TUSC3: variants seen among roughly 807,000 people sequenced by gnomAD.
TUSC3 encodes the protein tumor suppressor candidate 3, also known as dolichyl-diphosphooligosaccharide--protein glycosyltransferase subunit TUSC3.
A neutral mutation model predicts 44.8 loss-of-function variants in TUSC3; 45 were observed. The ratio of observed to expected loss-of-function variants is 1.00; its 90% CI spans 0.79 to 1.29. The LOEUF is 1.29. Ranked by LOEUF, TUSC3 falls within the 50% of genes most tolerant of loss-of-function variation. The probability of loss-of-function intolerance (pLI) is 0.00; values close to 1 mark genes in which losing one functional copy is unlikely to be tolerated. For synonymous variants in TUSC3, 212 were observed against 152.9 expected (o/e 1.39, Z -2.85); for missense variants, 519 against 437.9 (o/e 1.19, Z -1.65).
chr8:15,842,697 G>C, the TUSC3 span, among the ~76,000 whole-genome samples: 28 of 152,154 alleles, frequency 1.8e-4, no homozygotes, highest in Non-Finnish European at 3.7e-4. Flanking sequence ...AAGAAAAACA[G>C]AAAAATTTTT....
intron 1 of TUSC3, among the ~76,000 whole-genome samples, chr8:15,465,261 A>T (rs1390051): frequency 6.6e-6 from 1 of 151,934 alleles, no homozygotes; most frequent in African/African-American, 2.4e-5. Context: ...CATGGGACAC[A>T]ATAAGACTAC....
intron 6 of TUSC3, among the ~76,000 whole-genome samples, chr8:15,708,297 T>A (rs988478165): frequency 9.2e-5 from 14 of 151,814 alleles, no homozygotes; most frequent in African/African-American, 3.4e-4. Context: ...GAAAGTTGAT[T>A]GGGAATAGAT....
the TUSC3 span, among the ~76,000 whole-genome samples, chr8:15,833,738 A>G: frequency 6.6e-6 from 1 of 152,118 alleles, no homozygotes; most frequent in Non-Finnish European, 1.5e-5. Context: ...ACTAATGGGT[A>G]CTAGGCTTAA....
At chr8:15,670,829 C>G (rs1182533910) in intron 5 of TUSC3, among the ~76,000 whole-genome samples, 1 of 151,822 alleles carries the variant, frequency 6.6e-6, no homozygotes, top group Non-Finnish European at 1.5e-5. Flanking sequence ...TATAAAGAAT[C>G]TTGACAAAAC....
chr8:15,541,908 G>T (rs1379345992), intron 1 of TUSC3, among the ~76,000 whole-genome samples: 3 of 150,980 alleles, frequency 2.0e-5, no homozygotes, highest in Non-Finnish European at 3.0e-5. Context: ...TGGAAATTGT[G>T]ATGTTTTATC....
In TUSC3 at chr8:15,686,186, G is replaced by A. The variant is rs146972656; in HGVS notation, c.798+12350G>A. ...CTAAAGGGAAACTATACAAACATATGGTTACATAGGACATAAAAACAATTT... is the reference window on the plus strand; with the variant it reads ...CTAAAGGGAAACTATACAAACATATAGTTACATAGGACATAAAAACAATTT... On this transcript the variant is annotated intron_variant, in intron 6 of 10. Coordinates refer to ENST00000503731, the MANE Select transcript of TUSC3 (RefSeq NM_006765.4). Among the ~76,000 whole-genome samples the A allele has an allele frequency of 3.4e-3, 513 of 151,988 alleles. 4 individuals are homozygous for A. Among genetic ancestry groups the A allele is most frequent in the African/African-American group, 0.012 (499 of 41,446 alleles).
chr8:15,654,470 A>T (rs1029394911), intron 3 of TUSC3, among the ~76,000 whole-genome samples: 1 of 152,172 alleles, frequency 6.6e-6, no homozygotes, highest in Non-Finnish European at 1.5e-5. Context: ...TATATTTTTT[A>T]TATATGTTAT....
intron 1 of TUSC3, among the ~76,000 whole-genome samples, chr8:15,612,101 G>A (rs750350571): frequency 6.6e-6 from 1 of 152,128 alleles, no homozygotes; most frequent in South Asian, 2.1e-4. Flanking sequence ...CAACATGTAC[G>A]TCTTGTTCTC....
intron 1 of TUSC3, among the ~76,000 whole-genome samples, chr8:15,567,618 A>G (rs1447579868): frequency 6.6e-6 from 1 of 152,104 alleles, no homozygotes; most frequent in Non-Finnish European, 1.5e-5. Context: ...ATCCTTTGTC[A>G]TATGTAAGAT....
At chr8:15,696,653 A>T (rs774999523) in intron 6 of TUSC3, among the ~76,000 whole-genome samples, 1 of 152,194 alleles carries the variant, frequency 6.6e-6, no homozygotes, top group Non-Finnish European at 1.5e-5. Context: ...TCATCTGTTC[A>T]GGTGGATTAT....
chr8:15,807,111 A>G, the TUSC3 span: 8 of 1,200,676 alleles, frequency 6.7e-6, no homozygotes, highest in South Asian at 8.7e-5. Flanking sequence ...CCCGTTATAC[A>G]CAGCAAAGAA....
intron 2 of TUSC3, among the ~76,000 whole-genome samples, chr8:15,504,734 C>A (rs1236993580): frequency 2.0e-5 from 3 of 146,396 alleles, no homozygotes; most frequent in African/African-American, 5.0e-5. Context: ...CTCACTGCAA[C>A]CTCTGCCTCC....
At chr8:15,745,361 T>TAA (rs1173481343) in intron 8 of TUSC3, among the ~76,000 whole-genome samples, 1 of 152,122 alleles carries the variant, frequency 6.6e-6, no homozygotes, top group African/African-American at 2.4e-5. Context: ...AGCACTGTGT[T>TAA]AAGTTTTTTG....
At chr8:15,720,607 T>C (rs1021754007) in intron 6 of TUSC3, among the ~76,000 whole-genome samples, 1 of 152,108 alleles carries the variant, frequency 6.6e-6, no homozygotes, top group African/African-American at 2.4e-5. Flanking sequence ...CCAGATTTGC[T>C]CATCAGAATG....
chr8:15,588,612 A>G (rs2129149426), intron 1 of TUSC3, among the ~76,000 whole-genome samples: 1 of 152,218 alleles, frequency 6.6e-6, no homozygotes, highest in Non-Finnish European at 1.5e-5. Flanking sequence ...TTGAAGTCTT[A>G]TCAACAAAAT....
At chr8:15,810,715 G>A in the TUSC3 span, among the ~76,000 whole-genome samples, 5 of 152,070 alleles carry the variant, frequency 3.3e-5, no homozygotes, top group Admixed American at 6.6e-5. Context: ...ATTTTGAGAC[G>A]GCTGCCACAT....
intron 2 of TUSC3, among the ~76,000 whole-genome samples, chr8:15,484,554 A>T (rs570296161): frequency 1.3e-5 from 2 of 151,912 alleles, no homozygotes; most frequent in East Asian, 3.8e-4. Flanking sequence ...CAACATGTCT[A>T]TCTCTTTCTC....
the TUSC3 span, among the ~76,000 whole-genome samples, chr8:15,817,684 C>T: frequency 4.7e-4 from 72 of 152,242 alleles, no homozygotes; most frequent in East Asian, 0.014. Flanking sequence ...TATAAGTTGC[C>T]CAAGGCCTCC....
chr8:15,538,621 T>C (rs1801567915), upstream of TUSC3, among the ~76,000 whole-genome samples: 1 of 152,156 alleles, frequency 6.6e-6, no homozygotes, highest in Non-Finnish European at 1.5e-5. Context: ...CCATGAAATT[T>C]CAGCATCTGT....
Sources: allele counts gnomAD v4.1 joint callset (sites outside exome capture counted in the v4.1 genomes callset), GRCh38; gene constraint gnomAD v4.1.1; transcripts MANE v1.5; gene names NCBI Gene and HGNC (gene_info 2026-07-23, HGNC 2026-07-21).